The following R3HDM4 variants were observed in gnomAD, a reference collection of about 807,000 sequenced individuals.
R3HDM4 encodes R3H domain containing 4, also known as R3H domain-containing protein 4.
A neutral mutation model predicts 31.3 loss-of-function variants in R3HDM4; 30 were observed. The ratio of observed to expected loss-of-function variants is 0.96; its 90% CI spans 0.72 to 1.30. The LOEUF (loss-of-function observed/expected upper bound fraction) is 1.30, where lower values mean the gene tolerates loss of function less well. Among genes scored for constraint, R3HDM4 ranks in the 50% most tolerant of loss-of-function variants. R3HDM4 has a pLI of 0.00. For synonymous variants in R3HDM4, 196 were observed against 156.6 expected (o/e 1.25, Z -1.88); for missense variants, 444 against 366.1 (o/e 1.21, Z -1.74).
At chr19:901,629 T>C in intron 2 of R3HDM4, 83 bp from the exon 3 acceptor site, 9 of 1,518,680 alleles carry the variant, frequency 5.9e-6, no homozygotes, top group Non-Finnish European at 8.0e-6. Flanking sequence ...CTAGCCTTCC[T>C]CCTTTTTTAT....
At chr19:898,624 C>CAA (rs71335319) in intron 7 of R3HDM4, among the ~76,000 whole-genome samples, 4 of 150,280 alleles carry the variant, frequency 2.7e-5, no homozygotes, top group South Asian at 4.2e-4. Context: ...CCAACCAAAA[C>CAA]AAAAAAAAAG....
In R3HDM4 at chr19:899,978, G is replaced by A. The variant is rs2306718; in HGVS notation, c.561+83C>T. On this transcript the variant is annotated intron_variant, in intron 5 of 7. Coordinates refer to ENST00000361574, the MANE Select transcript of R3HDM4 (RefSeq NM_138774.4). The surrounding 1 kb of genome is among the most constrained non-coding windows in gnomAD (Gnocchi z 6.8). ...TGTTTCCCCTGACACGACCTGCACC[G>A]GGTGAGAACCTGTGCCTGGGAAACG... 0.25 allele frequency: 347,883 copies of A among 1,371,840 alleles called. 45,318 individuals are homozygous for A. The highest frequency in any genetic ancestry group is 0.31 in the Middle Eastern group (1,693 of 5,500). 85.0% of individuals were successfully genotyped at this position (1,371,840 alleles called of 1,614,324 possible). A position where few individuals can be genotyped will look rare whatever the true frequency, so the allele number is the denominator to read the frequency against.
chr19:903,924 A>G (rs960379882), intron 1 of R3HDM4, among the ~76,000 whole-genome samples: 24 of 152,080 alleles, frequency 1.6e-4, no homozygotes, highest in South Asian at 8.3e-4. Context: ...GGTGGTGGGC[A>G]CCTGTAATCC....
intron 1 of R3HDM4, chr19:902,449 A>G (rs2036850716): frequency 4.7e-6 from 1 of 213,124 alleles, no homozygotes; most frequent in Non-Finnish European, 9.5e-6. Flanking sequence ...GAAAAAAAAA[A>G]AAGACTTATT....
intron 1 of R3HDM4, among the ~76,000 whole-genome samples, 170 bp downstream of exon 1, chr19:912,917 G>T (rs1323311384): frequency 2.0e-5 from 3 of 151,746 alleles, no homozygotes; most frequent in Admixed American, 1.3e-4. Context: ...CGGGCGAGAA[G>T]GGAAGGCAGG....
chr19:911,727 G>A (rs956368671), intron 1 of R3HDM4, among the ~76,000 whole-genome samples: 4 of 152,098 alleles, frequency 2.6e-5, no homozygotes, highest in African/African-American at 7.2e-5. Context: ...GCGCACCCTG[G>A]GTCCCCGGGT....
intron 1 of R3HDM4, among the ~76,000 whole-genome samples, chr19:903,794 TCA>T (rs1159548315): frequency 1.3e-5 from 2 of 152,120 alleles, no homozygotes; most frequent in East Asian, 3.9e-4. Context: ...CTCACGCCTG[TCA>T]TCCCAGCACT....
rs1368139143 is a variant in R3HDM4, at chr19:896,768, G to C, written c.*669C>G. 3 of 152,620 alleles carry C rather than the reference G, an allele frequency of 2.0e-5. No individual in the cohort carries two copies. Among genetic ancestry groups the C allele is most frequent in the African/African-American group, 7.2e-5 (3 of 41,446 alleles). 9.5% of individuals were successfully genotyped at this position (152,620 alleles called of 1,614,324 possible). On this transcript the variant is annotated 3_prime_UTR_variant, in exon 8 of 8. Coordinates refer to ENST00000361574, the MANE Select transcript of R3HDM4 (RefSeq NM_138774.4). This position sits in a 1 kb window ranked among gnomAD's most constrained non-coding sequence, Gnocchi z 4.0. ...GCATAAAGGAGGGGAGGAAAGGAAG[G>C]GGGCTCATATAAAGCAGGAGACCCT... is the stretch of plus-strand genomic sequence containing the variant.
rs2036798029 is a variant in R3HDM4 at position 899,635 on chromosome 19, G to A, written c.613C>T (p.Pro205Ser). The change falls in exon 6 of 8, where the codon CCC becomes TCC. Residue 205 changes from proline (P) to serine (S), a missense_variant. Physicochemically the swap from Pro to Ser is moderately conservative, Grantham distance 74 (BLOSUM62 -1). Coordinates refer to ENST00000361574, the MANE Select transcript of R3HDM4 (RefSeq NM_138774.4). This position sits in a 1 kb window ranked among gnomAD's most constrained non-coding sequence, Gnocchi z 6.8. ...ERLLRFFSVS[P>S]QAVYTAMLDN... ...AGCATTGCTGTGTACACGGCCTGGG[G>A]GGACACGGAGAAGAACCGAAGCAGC... 2 of 1,608,714 alleles carry A rather than the reference G, an allele frequency of 1.2e-6. No individual in the cohort carries two copies. The highest frequency in any genetic ancestry group is 2.2e-5 in the East Asian group (1 of 44,806).
intron 2 of R3HDM4, 69 bp downstream of exon 2, chr19:901,907 A>G: frequency 6.3e-7 from 1 of 1,579,036 alleles, no homozygotes; most frequent in Non-Finnish European, 8.6e-7. Context: ...GGTAACAGAT[A>G]ACACCAATAT....
At chr19:910,073 C>T (rs1228516529) in intron 1 of R3HDM4, among the ~76,000 whole-genome samples, 1 of 152,124 alleles carries the variant, frequency 6.6e-6, no homozygotes, top group Non-Finnish European at 1.5e-5. Context: ...TGCCTGTAAT[C>T]CCAGCACTTT....
rs1052916135 is a variant in R3HDM4 at position 897,266 on chromosome 19, G to A, written c.*171C>T. The stretch of plus-strand genomic sequence containing the variant: ...GGCATGGGCAGCCCCAGCCGCCAGC[G>A]TCTGTTGACTGCCAAGAGCTGCGTG... On this transcript the variant is annotated 3_prime_UTR_variant, in exon 8 of 8. Coordinates refer to ENST00000361574, the MANE Select transcript of R3HDM4 (RefSeq NM_138774.4). 19 of 556,122 alleles carry A rather than the reference G, an allele frequency of 3.4e-5. No homozygotes were observed. Among genetic ancestry groups the A allele is most frequent in the African/African-American group, 5.8e-5 (3 of 51,944 alleles). The allele number at this position is 556,122 out of a possible 1,614,324, so 34.4% of individuals were successfully genotyped here.
intron 1 of R3HDM4, among the ~76,000 whole-genome samples, chr19:908,947 C>T (rs552630519): frequency 4.2e-4 from 64 of 152,382 alleles, no homozygotes; most frequent in African/African-American, 1.4e-3. Flanking sequence ...GCGGCGCTCA[C>T]TGCCTGTTTG....
rs769019034 is a variant in R3HDM4 at position 900,884 on chromosome 19, C to T, written c.420G>A (p.Glu140=). The stretch of plus-strand genomic sequence containing the variant: ...CCCTCCTCCGCGCCTTGCTCCTGCC[C>T]TCATCCTCCAGGTAGCGAAGAACCC... ...QERVLRYLED[E]GRSKARRRGP... The change falls in exon 4 of 8, where the codon GAG becomes GAA. Residue 140 remains glutamate (E), a synonymous_variant. Transcript: ENST00000361574. 1.9e-6 allele frequency: 3 copies of T among 1,589,648 alleles called. No individual in the cohort carries two copies. The highest frequency in any genetic ancestry group is 2.6e-6 in the Non-Finnish European group (3 of 1,170,104).
At chr19:905,590 C>T (rs1175636266) in intron 1 of R3HDM4, among the ~76,000 whole-genome samples, 1 of 148,964 alleles carries the variant, frequency 6.7e-6, no homozygotes, top group Non-Finnish European at 1.5e-5. Flanking sequence ...GAGGCTGAGG[C>T]AGGAGAATCA....
chr19:901,470 T>C lies in R3HDM4; in HGVS notation c.303A>G (p.Ala101=). 1 of 1,609,400 alleles carries C rather than the reference T, an allele frequency of 6.2e-7. No individual in the cohort carries two copies. The highest frequency in any genetic ancestry group is 8.5e-7 in the Non-Finnish European group (1 of 1,179,644). The part of the protein sequence containing the change: ...GLEDGDLAPP[A]SPGIFAEACN... Reference sequence around the variant, plus strand: ...AGGCCTCGGCAAAGATGCCTGGTGATGCAGGGGGTGCCAAGTCCCCATCCT... The same window carrying C: ...AGGCCTCGGCAAAGATGCCTGGTGACGCAGGGGGTGCCAAGTCCCCATCCT... Residue 101 remains alanine, a synonymous_variant, in exon 3 of 8, where the codon GCA becomes GCG. Transcript: ENST00000361574.
chr19:910,114 T>A (rs1030948357), intron 1 of R3HDM4, among the ~76,000 whole-genome samples: 2 of 150,398 alleles, frequency 1.3e-5, no homozygotes, highest in Non-Finnish European at 3.0e-5. Context: ...TCACCTGAGG[T>A]TGGGAGTTCG....
At chr19:909,647 T>TA (rs2036947839) in intron 1 of R3HDM4, among the ~76,000 whole-genome samples, 1 of 150,888 alleles carries the variant, frequency 6.6e-6, no homozygotes, top group Non-Finnish European at 1.5e-5. Flanking sequence ...ATTACAAAAA[T>TA]TAGCCAGGCG....
intron 4 of R3HDM4, among the ~76,000 whole-genome samples, chr19:900,558 T>C (rs2036815677): frequency 7.3e-6 from 1 of 136,426 alleles, no homozygotes; most frequent in Middle Eastern, 4.2e-3. Context: ...TCCCCATCCA[T>C]ACCCTGGCCT....
Sources: allele counts gnomAD v4.1 joint callset (sites outside exome capture counted in the v4.1 genomes callset), GRCh38; gene constraint gnomAD v4.1.1; non-coding constraint Gnocchi (gnomAD v3.1); transcripts MANE v1.5; gene names NCBI Gene and HGNC (gene_info 2026-07-23, HGNC 2026-07-21).